The following CDH23 variants were observed in gnomAD, a reference collection of about 807,000 sequenced individuals.
The protein encoded by CDH23 is cadherin-23.
In CDH23, 189 loss-of-function variants were observed where a neutral mutation model predicts 317.1. That is an observed-to-expected ratio of 0.60 (90% CI 0.53 to 0.67). The LOEUF is 0.67. Among genes scored for constraint, CDH23 ranks in the 30% least tolerant of loss-of-function variants. The probability of loss-of-function intolerance (pLI) is 0.00; values close to 1 mark genes in which losing one functional copy is unlikely to be tolerated. For missense variants in CDH23, 4,401 were observed against 4,592.4 expected, an observed-to-expected ratio of 0.96 and a Z score of 1.20; for synonymous variants, 1,839 against 1,876.8, an observed-to-expected ratio of 0.98 and a Z score of 0.52.
intron 14 of CDH23, among the ~76,000 whole-genome samples, chr10:71,654,071 C>T: frequency 6.6e-6 from 1 of 152,150 alleles, no homozygotes; most frequent in East Asian, 1.9e-4. Context: ...AGTCTAGCCT[C>T]AAGGAACAGA....
chr10:71,747,630 A>AT (rs1226373416), intron 38 of CDH23: 3 of 152,276 alleles, frequency 2.0e-5, no homozygotes, highest in African/African-American at 7.2e-5. Flanking sequence ...CCTCTGTGTT[A>AT]AATGGCAGCA....
chr10:71,671,099 A>G (rs547744759), intron 14 of CDH23, among the ~76,000 whole-genome samples: 2 of 151,680 alleles, frequency 1.3e-5, no homozygotes, highest in South Asian at 4.2e-4. Context: ...AGCTGGGACT[A>G]CAGGCAATTG....
chr10:71,739,724 T>C lies in CDH23; in HGVS notation c.4440T>C (p.Phe1480=). The change falls in exon 36 of 70, where the codon TTT becomes TTC. Residue 1480 remains phenylalanine, a synonymous_variant. Coordinates refer to ENST00000224721, the MANE Select transcript of CDH23 (RefSeq NM_022124.6). ...VTTNDSIGEV[F]VARPLDREEL... ...CCAATGACTCCATTGGCGAAGTGTT[T>C]GTGGCCAGGCCCCTGGACAGAGAAG... 1.9e-6 allele frequency: 3 copies of C among 1,613,520 alleles called. No homozygotes were observed. The highest frequency in any genetic ancestry group is 2.5e-6 in the Non-Finnish European group (3 of 1,179,724).
chr10:71,782,782 T>C (rs1052298904), intron 41 of CDH23, among the ~76,000 whole-genome samples: 1 of 152,196 alleles, frequency 6.6e-6, no homozygotes, highest in Admixed American at 6.5e-5. Flanking sequence ...TTTGGAGACC[T>C]TGGGGTGTCA....
chr10:71,778,118 C>T, intron 39 of CDH23, 71 bp from the exon 40 acceptor site: 4 of 1,590,326 alleles, frequency 2.5e-6, no homozygotes, highest in Admixed American at 1.8e-5. Context: ...GCCTACTTCC[C>T]AAATTGGTCA....
At chr10:71,767,968 G>A (rs1483324208) in intron 38 of CDH23, among the ~76,000 whole-genome samples, 2 of 152,188 alleles carry the variant, frequency 1.3e-5, no homozygotes, top group East Asian at 1.9e-4. Flanking sequence ...GGATGCTTCT[G>A]TGGATGAACC....
In CDH23 at chr10:71,510,148, G is replaced by A; in HGVS notation, c.212G>A (p.Gly71Glu). 6.2e-7 allele frequency: 1 copy of A among 1,614,028 alleles called. No homozygotes were observed. Among genetic ancestry groups the A allele is most frequent in the Non-Finnish European group, 8.5e-7 (1 of 1,179,892 alleles). The stretch of plus-strand genomic sequence containing the variant: ...GACCCCCTGGTGTTTGGCGTGTCTG[G>A]GGAGGAGGCCTCTCGCTTCTTTGCA... ...DNDPLVFGVS[G>E]EEASRFFAVE... The change falls in exon 4 of 70, where the codon GGG (glycine) becomes GAG (glutamate). Residue 71 changes from glycine (G) to glutamate (E), a missense_variant. By Grantham distance (98) the Gly-to-Glu change is moderately conservative. Coordinates refer to ENST00000224721, the MANE Select transcript of CDH23 (RefSeq NM_022124.6).
intron 28 of CDH23, chr10:71,716,026 G>T (rs1474327164): frequency 2.9e-5 from 44 of 1,502,624 alleles, no homozygotes; most frequent in Non-Finnish European, 3.9e-5. Context: ...GCCGGCCATG[G>T]CGGAAGCTGT....
At chr10:71,553,083 A>G (rs1351148082) in intron 6 of CDH23, among the ~76,000 whole-genome samples, 1 of 152,196 alleles carries the variant, frequency 6.6e-6, no homozygotes, top group Non-Finnish European at 1.5e-5. Flanking sequence ...GGGAATTTAA[A>G]GATACAGAGT....
chr10:71,526,342 C>G (rs1445101914), intron 6 of CDH23, among the ~76,000 whole-genome samples: 1 of 152,210 alleles, frequency 6.6e-6, no homozygotes, highest in African/African-American at 2.4e-5. Context: ...CCACGTGGGC[C>G]CAGGAGGCAG....
chr10:71,680,763 A>G (rs892141031), intron 17 of CDH23, among the ~76,000 whole-genome samples: 2 of 81,406 alleles, frequency 2.5e-5, no homozygotes, highest in South Asian at 5.0e-4. Context: ...AAAAAAAAAA[A>G]GAAAAAGAAA....
At chr10:71,639,742 G>C (rs1313624314) in intron 11 of CDH23, among the ~76,000 whole-genome samples, 1 of 152,188 alleles carries the variant, frequency 6.6e-6, no homozygotes, top group African/African-American at 2.4e-5. Flanking sequence ...CTGTGTCATA[G>C]CCGGGCTTCA....
At chr10:71,649,508 G>A (rs189158095) in intron 14 of CDH23, among the ~76,000 whole-genome samples, 205 of 152,252 alleles carry the variant, frequency 1.3e-3, no homozygotes, top group African/African-American at 4.7e-3. Context: ...GGAATAGGAA[G>A]GGCTGTCACC....
intron 38 of CDH23, among the ~76,000 whole-genome samples, chr10:71,764,085 A>C (rs1840468095): frequency 6.6e-6 from 1 of 152,226 alleles, no homozygotes; most frequent in Admixed American, 6.5e-5. Flanking sequence ...TTTCAGGCAG[A>C]AACACAGAGA....
chr10:71,566,858 C>T lies in CDH23; in HGVS notation c.546C>T (p.Ser182=), dbSNP rs368040543. 57 of 1,613,852 alleles carry T rather than the reference C, an allele frequency of 3.5e-5. No individual in the cohort carries two copies. Among genetic ancestry groups the T allele is most frequent in the African/African-American group, 1.9e-4 (14 of 74,938 alleles). ...CCTCCCAATTCTTCGCCATTGACAG[C>T]GCCCGCGGTATCGTCACAGTGATCC... is the stretch of plus-strand genomic sequence containing the variant. ...QPPSQFFAID[S]ARGIVTVIRE... is the part of the protein sequence containing the mutation. Residue 182 remains serine (S), a synonymous_variant, in exon 7 of 70, where the codon AGC becomes AGT. Coordinates refer to ENST00000224721, the MANE Select transcript of CDH23 (RefSeq NM_022124.6).
intron 14 of CDH23, among the ~76,000 whole-genome samples, chr10:71,673,392 T>C (rs559544104): frequency 1.3e-5 from 2 of 152,366 alleles, no homozygotes; most frequent in African/African-American, 4.8e-5. Context: ...GCTGCAGTTG[T>C]AACAGTCCAA....
chr10:71,725,369 C>G lies in CDH23; in HGVS notation c.3431-3C>G. On this transcript the variant is annotated splice_region_variant and splice_polypyrimidine_tract_variant and intron_variant, in intron 29 of 69. Coordinates refer to ENST00000224721, the MANE Select transcript of CDH23 (RefSeq NM_022124.6). ...GTTCCAGGGGGTCTGTCCCTCCACA[C>G]AGGTAACCATGGCAACAACTTCCGG... 6.2e-7 allele frequency: 1 copy of G among 1,613,994 alleles called. No individual in the cohort carries two copies. Among genetic ancestry groups the G allele is most frequent in the Non-Finnish European group, 8.5e-7 (1 of 1,179,882 alleles).
At chr10:71,644,979 T>A (rs994037183) in intron 12 of CDH23, among the ~76,000 whole-genome samples, 3 of 151,892 alleles carry the variant, frequency 2.0e-5, no homozygotes, top group Non-Finnish European at 4.4e-5. Flanking sequence ...CCTCAGGGAG[T>A]CAGTAAGCTG....
rs151043401 is a variant in CDH23 at position 71,419,083 on chromosome 10, T to C, written c.-5-20744T>C. On this transcript the variant is annotated intron_variant, in intron 1 of 69. Coordinates refer to ENST00000224721, the MANE Select transcript of CDH23 (RefSeq NM_022124.6). ...GTGTTAGGGGTTTCATAGCATGACT[T>C]TGAGGGGACTGAGGGTTAGTGTTCC... Among the ~76,000 whole-genome samples the C allele has an allele frequency of 2.1e-3, 319 of 152,344 alleles. 3 individuals are homozygous for C. The highest frequency in any genetic ancestry group is 7.4e-3 in the African/African-American group (308 of 41,574).
Sources: gnomAD v4.1 joint callset for allele counts (sites outside exome capture counted in the v4.1 genomes callset) on GRCh38, gnomAD v4.1.1 for gene constraint, MANE v1.5 for transcripts, NCBI Gene and HGNC (gene_info 2026-07-23, HGNC 2026-07-21) for gene names.